The following ZNF131 variants were observed in gnomAD, a reference collection of about 807,000 sequenced individuals.
ZNF131 encodes zinc finger and BTB domain containing 35, also known as zinc finger protein 131.
Under a neutral mutation model 60.0 loss-of-function variants are expected in ZNF131, and 7 were observed. The observed-to-expected ratio is 0.12, with a 90% confidence interval of 0.07 to 0.22. ZNF131 has a LOEUF of 0.22. Among genes scored for constraint, ZNF131 ranks in the 10% least tolerant of loss-of-function variants. ZNF131 has a pLI of 1.00. For missense variants in ZNF131, 493 were observed against 740.9 expected, an observed-to-expected ratio of 0.67 and a Z score of 3.88; for synonymous variants, 257 against 253.2, an observed-to-expected ratio of 1.01 and a Z score of -0.14.
At chr5:43,122,236 G>A in intron 2 of ZNF131, 59 bp downstream of exon 2, 12 of 1,513,680 alleles carry the variant, frequency 7.9e-6, no homozygotes, top group Non-Finnish European at 1.1e-5. Context: ...TCTGTCCTTC[G>A]GACACCCGCC....
At chr5:43,147,746 A>C (rs1366403784) in intron 4 of ZNF131, among the ~76,000 whole-genome samples, 1 of 151,162 alleles carries the variant, frequency 6.6e-6, no homozygotes, top group Non-Finnish European at 1.5e-5. Flanking sequence ...AAAAAAAAAA[A>C]ACAGTTTGGA....
chr5:43,174,344 A>T, intron 6 of ZNF131, 103 bp from the exon 7 acceptor site: 1 of 1,053,158 alleles, frequency 9.5e-7, no homozygotes, highest in Non-Finnish European at 1.3e-6. Flanking sequence ...TATAACATTT[A>T]CAGAATAAGC....
intron 3 of ZNF131, among the ~76,000 whole-genome samples, chr5:43,131,576 C>T (rs1211693901): frequency 6.6e-6 from 1 of 152,144 alleles, no homozygotes; most frequent in Non-Finnish European, 1.5e-5. Context: ...TGGACTTGAG[C>T]AGGAAAGCAG....
intron 1 of ZNF131, chr5:43,121,455 C>T (rs1337126879): frequency 6.6e-6 from 1 of 152,478 alleles, no homozygotes; most frequent in African/African-American, 2.4e-5. Context: ...GGGCGTGGCC[C>T]GTTCCCTTGC....
intron 5 of ZNF131, among the ~76,000 whole-genome samples, chr5:43,166,043 C>T (rs1261962936): frequency 6.6e-6 from 1 of 152,184 alleles, no homozygotes; most frequent in Admixed American, 6.5e-5. Flanking sequence ...AACTTCTTAC[C>T]TCTCTCAACC....
chr5:43,162,610 AG>A (rs367585969), intron 5 of ZNF131, among the ~76,000 whole-genome samples: 8,003 of 121,940 alleles, frequency 0.066, 374 homozygotes, highest in Middle Eastern at 0.12. Flanking sequence ...AAAAAAGAAA[AG>A]AAAAAAAAGC....
At chr5:43,151,726 C>T (rs750364920) in intron 4 of ZNF131, among the ~76,000 whole-genome samples, 7 of 152,226 alleles carry the variant, frequency 4.6e-5, no homozygotes, top group Non-Finnish European at 8.8e-5. Context: ...CGAGCCACCG[C>T]GCCTTGCCAG....
Position 43,161,839 on chromosome 5 carries a change from A to G in ZNF131, c.962A>G (p.Gln321Arg). The G allele has an allele frequency of 1.9e-6, 3 of 1,614,210 alleles. No homozygotes were observed. Among genetic ancestry groups the G allele is most frequent in the Non-Finnish European group, 2.5e-6 (3 of 1,180,046 alleles). The change falls in exon 5 of 7, where the codon CAA becomes CGA. Residue 321 changes from glutamine to arginine, a missense_variant. This residue lies in a region of ZNF131 where 22 missense variants were observed against 26.7 expected (regional missense o/e 0.82). Transcript: ENST00000682664. ...HLEEGGVSKK[Q>R]RTGKKIHVCQ... ...GAAGAAGGTGGAGTCAGTAAGAAGC[A>G]AAGAACTGGGAAAAAAATTCATGTA...
At position 43,174,639 on chromosome 5, in the gene ZNF131, C is replaced by A. The variant is rs118163325; in HGVS notation, c.1378C>A (p.Arg460Ser). The A allele has an allele frequency of 5.6e-6, 9 of 1,614,182 alleles. No homozygotes were observed. The East Asian group carries it at 1.3e-4, about 24-fold the overall frequency. The part of the protein sequence containing the change: ...VTEEVLSVET[R>S]VQTEPVTSMT... ...GGAAGAAGTTCTTTCAGTAGAAACA[C>A]GTGTGCAAACTGAACCTGTAACATC... Residue 460 changes from arginine to serine, a missense_variant, in exon 7 of 7, where the codon CGT (arginine) becomes AGT (serine). Around this residue, in one of 7 missense-constraint regions of ZNF131, gnomAD observed 202 missense variants for 221.3 expected, o/e 0.91. Transcript: ENST00000682664.
Position 43,139,228 on chromosome 5 carries a change from A to G in ZNF131, c.290A>G (p.Gln97Arg). The change falls in exon 4 of 7, where the codon CAA (glutamine) becomes CGA (arginine). Residue 97 changes from glutamine to arginine, a missense_variant. Around this residue, in one of 7 missense-constraint regions of ZNF131, gnomAD observed 66 missense variants for 148.0 expected, o/e 0.45. Transcript: ENST00000682664. ...EFTYTAKLMI[Q>R]GEEEANDVWK... ...ACATATACAGCAAAATTAATGATAC[A>G]AGGAGAAGAAGAAGCCAATGATGTA... 1.2e-6 allele frequency: 2 copies of G among 1,612,910 alleles called. No individual in the cohort carries two copies. Among genetic ancestry groups the G allele is most frequent in the Non-Finnish European group, 1.7e-6 (2 of 1,179,520 alleles).
At position 43,137,451 on chromosome 5, in the gene ZNF131, A is replaced by G. The variant is rs556826769; in HGVS notation, c.227-1714A>G. On this transcript the variant is annotated intron_variant, in intron 3 of 6. Transcript: ENST00000682664. ...TTAAATGTGCTAAGAACTTGAATAG[A>G]CATTTCTCCAAACAGATGGCCAACA... 5.3e-5 allele frequency among the ~76,000 whole-genome samples: 8 copies of G among 152,316 alleles called. No homozygotes were observed. In the South Asian group the frequency reaches 1.7e-3, roughly 32 times the overall value.
rs946866468 is a variant in ZNF131 at position 43,175,542 on chromosome 5, G to GA, written c.*413dup. ...AGTTTATGTATTCTAATGCATGTTA[G>GA]AAAATTGAATAATATAGGAAACACA... On this transcript the variant is annotated 3_prime_UTR_variant, in exon 7 of 7. Coordinates refer to ENST00000682664, the MANE Select transcript of ZNF131 (RefSeq NM_001330707.2). 2.9e-5 allele frequency: 20 copies of GA among 678,142 alleles called. No individual in the cohort carries two copies. The African/African-American group carries it at 3.2e-4, about 11-fold the overall frequency. 42.0% of individuals were successfully genotyped at this position (678,142 alleles called of 1,614,324 possible).
chr5:43,152,883 T>TAA (rs1271780822), intron 4 of ZNF131, among the ~76,000 whole-genome samples: 2 of 152,172 alleles, frequency 1.3e-5, no homozygotes, highest in Non-Finnish European at 2.9e-5. Context: ...GTGCTGGTAT[T>TAA]ATAGGTGTGA....
intron 1 of ZNF131, among the ~76,000 whole-genome samples, 161 bp downstream of exon 1, chr5:43,121,284 T>C (rs1310199581): frequency 6.6e-6 from 1 of 152,072 alleles, no homozygotes; most frequent in African/African-American, 2.4e-5. Flanking sequence ...GGTGAGAGGT[T>C]GAAGGGCAAT....
chr5:43,141,562 A>C (rs532889028), intron 4 of ZNF131, among the ~76,000 whole-genome samples: 1 of 152,100 alleles, frequency 6.6e-6, no homozygotes, highest in Admixed American at 6.5e-5. Flanking sequence ...GGACCTCAGG[A>C]GTTTGAGACC....
rs71608692 is a variant in ZNF131 at position 43,160,678 on chromosome 5, C to CTTTTTTTT, written c.372-556_372-549dup. ...TCACTGTTAAATGATTAGCTTGGAA[C>CTTTTTTTT]TTTTTTTTTTTTTTTTTTTTTTGAG... On this transcript the variant is annotated intron_variant, in intron 4 of 6. Coordinates refer to ENST00000682664, the MANE Select transcript of ZNF131 (RefSeq NM_001330707.2). Among the ~76,000 whole-genome samples, 9 of 93,030 alleles carry CTTTTTTTT rather than the reference C, an allele frequency of 9.7e-5. No individual in the cohort carries two copies. The South Asian group carries it at 1.2e-3, about 13-fold the overall frequency. The allele number at this position is 93,030 out of a possible 152,430, so 61.0% of individuals were successfully genotyped here. A position where few individuals can be genotyped will look rare whatever the true frequency, so the allele number is the denominator to read the frequency against.
intron 3 of ZNF131, among the ~76,000 whole-genome samples, chr5:43,135,927 C>T (rs1453247185): frequency 6.6e-6 from 1 of 152,054 alleles, no homozygotes; most frequent in Non-Finnish European, 1.5e-5. Flanking sequence ...ACCAGCTGGC[C>T]AACGTAGTGA....
chr5:43,126,518 C>T (rs1744570612), intron 3 of ZNF131, among the ~76,000 whole-genome samples: 1 of 152,176 alleles, frequency 6.6e-6, no homozygotes, highest in Non-Finnish European at 1.5e-5. Context: ...GACGTTTCTT[C>T]TCTCCGTGAC....
intron 4 of ZNF131, among the ~76,000 whole-genome samples, chr5:43,143,879 C>T (rs747285267): frequency 8.8e-6 from 1 of 113,628 alleles, no homozygotes; most frequent in Non-Finnish European, 1.7e-5. Context: ...CCTCTAGGTT[C>T]TCTGGAATAT....
Sources: allele counts gnomAD v4.1 joint callset (sites outside exome capture counted in the v4.1 genomes callset), GRCh38; gene constraint gnomAD v4.1.1; regional missense constraint gnomAD v4.1.1; transcripts MANE v1.5; gene names NCBI Gene and HGNC (gene_info 2026-07-23, HGNC 2026-07-21).